The following CTNNA3 variants were observed in gnomAD, a reference collection of about 807,000 sequenced individuals.
CTNNA3 encodes the protein catenin alpha 3.
CTNNA3 carries 76 observed loss-of-function variants against 95.7 expected under a neutral mutation model. The ratio of observed to expected loss-of-function variants is 0.79; its 90% CI spans 0.66 to 0.96. CTNNA3 has a LOEUF of 0.96. CTNNA3 is among the 40% of genes least tolerant of loss of function. The probability of loss-of-function intolerance (pLI) is 0.00; values close to 1 mark genes in which losing one functional copy is unlikely to be tolerated. For missense variants in CTNNA3, 1,191 were observed against 1,089.8 expected, an observed-to-expected ratio of 1.09 and a Z score of -1.31; for synonymous variants, 431 against 374.4, an observed-to-expected ratio of 1.15 and a Z score of -1.74.
chr10:67,313,388 C>T (rs1208189166), intron 5 of CTNNA3, among the ~76,000 whole-genome samples: 1 of 151,166 alleles, frequency 6.6e-6, no homozygotes, highest in African/African-American at 2.4e-5. Flanking sequence ...GCTGAGATCG[C>T]GCCACTGCAC....
At chr10:66,908,857 T>A (rs999894337) in intron 7 of CTNNA3, among the ~76,000 whole-genome samples, 98 of 152,228 alleles carry the variant, frequency 6.4e-4, no homozygotes, top group Non-Finnish European at 4.4e-5. Flanking sequence ...ATATGCCAGA[T>A]TAGATTGTAA....
At chr10:66,855,533 G>T (rs1843655932) in intron 7 of CTNNA3, among the ~76,000 whole-genome samples, 1 of 151,796 alleles carries the variant, frequency 6.6e-6, no homozygotes, top group African/African-American at 2.4e-5. Context: ...TCTCCTGTTT[G>T]TCCAAAGACC....
At chr10:66,246,113 A>C (rs890803227) in intron 13 of CTNNA3, among the ~76,000 whole-genome samples, 1 of 151,930 alleles carries the variant, frequency 6.6e-6, no homozygotes, top group African/African-American at 2.4e-5. Flanking sequence ...CAATCTGTCC[A>C]CCTCCTGCTG....
chr10:66,662,419 T>A (rs1242975755), intron 9 of CTNNA3, among the ~76,000 whole-genome samples: 3 of 152,162 alleles, frequency 2.0e-5, no homozygotes, highest in African/African-American at 7.2e-5. Flanking sequence ...TAGATGACCA[T>A]CTCCTAACTT....
chr10:66,613,852 A>G (rs1270464326), intron 10 of CTNNA3, among the ~76,000 whole-genome samples: 1 of 152,016 alleles, frequency 6.6e-6, no homozygotes, highest in Non-Finnish European at 1.5e-5. Flanking sequence ...TTTTACATTG[A>G]ATATTTGGGT....
At chr10:66,933,955 T>C (rs999187696) in intron 7 of CTNNA3, among the ~76,000 whole-genome samples, 22 of 152,100 alleles carry the variant, frequency 1.4e-4, no homozygotes, top group Middle Eastern at 3.4e-3. Context: ...AGGATGATGG[T>C]TTTTCAGGTG....
At chr10:67,372,836 A>G (rs2132707476) in intron 5 of CTNNA3, among the ~76,000 whole-genome samples, 1 of 152,342 alleles carries the variant, frequency 6.6e-6, no homozygotes, top group East Asian at 1.9e-4. Flanking sequence ...ATTCTTAAAG[A>G]AAAGAATTTT....
chr10:67,544,362 A>C (rs1384051979), intron 3 of CTNNA3, among the ~76,000 whole-genome samples: 1 of 152,138 alleles, frequency 6.6e-6, no homozygotes, highest in African/African-American at 2.4e-5. Context: ...CAAAAAAAAC[A>C]GGATGAGCCC....
At chr10:66,517,488 C>T (rs1402353491) in intron 11 of CTNNA3, among the ~76,000 whole-genome samples, 9 of 152,184 alleles carry the variant, frequency 5.9e-5, no homozygotes, top group South Asian at 2.1e-4. Flanking sequence ...GTGACCTCTG[C>T]TCATCCTCAC....
At chr10:67,082,085 G>A (rs1857085897) in intron 7 of CTNNA3, among the ~76,000 whole-genome samples, 1 of 152,196 alleles carries the variant, frequency 6.6e-6, no homozygotes, top group African/African-American at 2.4e-5. Flanking sequence ...GCAGATTGCA[G>A]TCAGCATTCT....
At chr10:67,229,151 G>C (rs1327290527) in intron 5 of CTNNA3, among the ~76,000 whole-genome samples, 2 of 152,138 alleles carry the variant, frequency 1.3e-5, no homozygotes, top group Non-Finnish European at 1.5e-5. Context: ...CAGGGATGCA[G>C]GGATGGTTTA....
chr10:65,990,446 T>C (rs1317684147), intron 15 of CTNNA3, among the ~76,000 whole-genome samples: 1 of 151,132 alleles, frequency 6.6e-6, no homozygotes, highest in Non-Finnish European at 1.5e-5. Context: ...AAATGATATA[T>C]TATTGTAGTT....
intron 1 of CTNNA3, among the ~76,000 whole-genome samples, chr10:67,679,187 A>ATTGACAT (rs1434633621): frequency 6.6e-6 from 1 of 152,180 alleles, no homozygotes; most frequent in Non-Finnish European, 1.5e-5. Flanking sequence ...CTTCAGTGCT[A>ATTGACAT]TTGACATTTG....
chr10:66,456,199 T>C (rs905200309), intron 11 of CTNNA3, among the ~76,000 whole-genome samples: 2 of 152,120 alleles, frequency 1.3e-5, no homozygotes, highest in African/African-American at 4.8e-5. Flanking sequence ...AAGATTAATA[T>C]GGAAATTCAA....
chr10:66,336,361 C>T (rs2092396167), intron 12 of CTNNA3, among the ~76,000 whole-genome samples: 1 of 152,052 alleles, frequency 6.6e-6, no homozygotes, highest in Admixed American at 6.6e-5. Context: ...TCCTATCCGG[C>T]CATCTTAGCT....
chr10:65,973,918 C>T lies in CTNNA3; in HGVS notation c.2266-7172G>A, dbSNP rs1470453276. Among the ~76,000 whole-genome samples, 3 of 151,914 alleles carry T rather than the reference C, an allele frequency of 2.0e-5. 1 individual carries two copies. Among genetic ancestry groups the T allele is most frequent in the East Asian group, 3.9e-4 (2 of 5,170 alleles). ...ACATGAGATTTGGGAAGGACAAATGCCAAAACCACATCAAAACATGAATGG... is the reference window on the plus strand; with the variant it reads ...ACATGAGATTTGGGAAGGACAAATGTCAAAACCACATCAAAACATGAATGG... On this transcript the variant is annotated intron_variant, in intron 16 of 17. Transcript: ENST00000433211.
intron 10 of CTNNA3, among the ~76,000 whole-genome samples, chr10:66,538,367 C>G (rs74141597): frequency 1.3e-5 from 2 of 152,094 alleles, no homozygotes; most frequent in African/African-American, 2.4e-5. Context: ...CAAAGGCAGA[C>G]TTGCTTTTTC....
rs116713259 is a variant in CTNNA3 at position 66,074,000 on chromosome 10, C to T, written c.1978-4511G>A. On this transcript the variant is annotated intron_variant, in intron 14 of 17. Coordinates refer to ENST00000433211, the MANE Select transcript of CTNNA3 (RefSeq NM_013266.4). ...CAGACACTCGGAAGCCTCCTTCTATCTTCTGCTAGTCACTATCTCCTAAGG... is the reference window on the plus strand; with the variant it reads ...CAGACACTCGGAAGCCTCCTTCTATTTTCTGCTAGTCACTATCTCCTAAGG... 2.6e-3 allele frequency among the ~76,000 whole-genome samples: 390 copies of T among 152,156 alleles called. 6 individuals are homozygous for T. The highest frequency in any genetic ancestry group is 9.1e-3 in the African/African-American group (377 of 41,556).
chr10:66,942,269 A>G (rs1848035997), intron 7 of CTNNA3, among the ~76,000 whole-genome samples: 1 of 152,214 alleles, frequency 6.6e-6, no homozygotes, highest in Non-Finnish European at 1.5e-5. Context: ...TCTGCAATAT[A>G]TAAAAAATGA....
Sources: gnomAD v4.1 joint callset for allele counts (sites outside exome capture counted in the v4.1 genomes callset) on GRCh38, gnomAD v4.1.1 for gene constraint, MANE v1.5 for transcripts, NCBI Gene and HGNC (gene_info 2026-07-23, HGNC 2026-07-21) for gene names.